The following ZC3H12B variants were observed in gnomAD, a reference collection of about 807,000 sequenced individuals.
ZC3H12B encodes zinc finger CCCH-type containing 12B.
In ZC3H12B, 7 loss-of-function variants were observed where a neutral mutation model predicts 43.9. The ratio of observed to expected loss-of-function variants is 0.16; its 90% CI spans 0.09 to 0.30. ZC3H12B has a LOEUF of 0.30. Ranked by LOEUF, ZC3H12B falls within the 10% of genes least tolerant of loss-of-function variation. The probability of loss-of-function intolerance (pLI) is 1.00; values close to 1 mark genes in which losing one functional copy is unlikely to be tolerated. For synonymous variants in ZC3H12B, 222 were observed against 241.7 expected (o/e 0.92, Z 0.76); for missense variants, 475 against 670.2 (o/e 0.71, Z 3.22).
the ZC3H12B span, among the ~76,000 whole-genome samples, chrX:65,290,807 C>T: frequency 9.0e-6 from 1 of 110,510 alleles, no homozygotes; most frequent in Non-Finnish European, 1.9e-5. Context: ...AAAATTTGAA[C>T]ACAAGGAGGT....
the ZC3H12B span, among the ~76,000 whole-genome samples, chrX:65,293,088 G>T: frequency 8.9e-6 from 1 of 111,864 alleles, no homozygotes; most frequent in South Asian, 3.7e-4. Flanking sequence ...ATTCTCAAGA[G>T]AAATTACATG....
At chrX:65,158,485 G>C in the ZC3H12B span, among the ~76,000 whole-genome samples, 57 of 112,036 alleles carry the variant, frequency 5.1e-4, 1 homozygote, top group Admixed American at 3.0e-3. Flanking sequence ...GAGATGGTAT[G>C]TCATTGTGGT....
chrX:65,464,133 C>T (rs968479367), intron 3 of ZC3H12B, among the ~76,000 whole-genome samples: 10 of 112,357 alleles, frequency 8.9e-5, no homozygotes, highest in African/African-American at 3.2e-4. Context: ...TGGACTTTTG[C>T]TCCCAATGGG....
upstream of ZC3H12B, among the ~76,000 whole-genome samples, chrX:65,366,365 G>A (rs193158241): frequency 9.0e-6 from 1 of 111,407 alleles, no homozygotes; most frequent in Non-Finnish European, 1.9e-5. Context: ...CCTTTAACTT[G>A]CTTATGAATT....
intron 2 of ZC3H12B, among the ~76,000 whole-genome samples, chrX:65,382,070 G>T (rs1333204199): frequency 1.8e-5 from 2 of 111,821 alleles, no homozygotes; most frequent in Non-Finnish European, 3.8e-5. Context: ...CCAATCAATA[G>T]AAAAAGAGGG....
At chrX:65,310,263 G>A in the ZC3H12B span, among the ~76,000 whole-genome samples, 1 of 111,789 alleles carries the variant, frequency 8.9e-6, no homozygotes, top group East Asian at 2.8e-4. Context: ...CATCGTCTCA[G>A]CCCAAAATCT....
At chrX:65,326,497 G>T in the ZC3H12B span, among the ~76,000 whole-genome samples, 1 of 110,137 alleles carries the variant, frequency 9.1e-6, no homozygotes, top group African/African-American at 3.3e-5. Flanking sequence ...GGTGACCACA[G>T]GCCAGGAATA....
At chrX:65,160,325 C>T in the ZC3H12B span, among the ~76,000 whole-genome samples, 1 of 111,791 alleles carries the variant, frequency 8.9e-6, no homozygotes, top group East Asian at 2.8e-4. Flanking sequence ...GGAATAGTTT[C>T]AGAAGGAATG....
At chrX:65,291,163 G>A in the ZC3H12B span, among the ~76,000 whole-genome samples, 1 of 111,542 alleles carries the variant, frequency 9.0e-6, no homozygotes, top group Non-Finnish European at 1.9e-5. Flanking sequence ...TGGCTAGAAT[G>A]TGGAGAAATT....
At chrX:65,422,656 G>C (rs956968733) in intron 3 of ZC3H12B, among the ~76,000 whole-genome samples, 1 of 110,697 alleles carries the variant, frequency 9.0e-6, no homozygotes, top group African/African-American at 3.3e-5. Flanking sequence ...ATCTACATGA[G>C]GTATTTCTCC....
Position 65,369,950 on chromosome X carries a change from C to A in ZC3H12B, n.295+952C>A, listed in dbSNP as rs187437267. On this transcript the variant is annotated intron_variant and non_coding_transcript_variant, in intron 2 of 5. Coordinates refer to the ZC3H12B transcript ENST00000617377. ...AATTTAGGAGTATTTAGGTACCTGG[C>A]CAGGCTTGGTGGCTGTCTGGGCATG... 1.3e-4 allele frequency among the ~76,000 whole-genome samples: 15 copies of A among 111,139 alleles called. No individual in the cohort carries two copies. The East Asian group carries it at 4.3e-3, about 32-fold the overall frequency.
At chrX:65,361,250 C>T in the ZC3H12B span, among the ~76,000 whole-genome samples, 1 of 112,010 alleles carries the variant, frequency 8.9e-6, no homozygotes, top group African/African-American at 3.2e-5. Context: ...AATTTACTTC[C>T]TGTGAAACAC....
chrX:65,246,626 T>C, the ZC3H12B span, among the ~76,000 whole-genome samples: 2 of 112,177 alleles, frequency 1.8e-5, no homozygotes, highest in Non-Finnish European at 3.8e-5. Flanking sequence ...AACTATTCAG[T>C]CTTCAATAAA....
the ZC3H12B span, among the ~76,000 whole-genome samples, chrX:65,334,535 T>A: frequency 8.9e-6 from 1 of 112,500 alleles, no homozygotes; most frequent in Non-Finnish European, 1.9e-5. Flanking sequence ...GAGCATTACA[T>A]TTTTTGCTTT....
the ZC3H12B span, among the ~76,000 whole-genome samples, chrX:65,314,958 T>C: frequency 9.0e-6 from 1 of 111,453 alleles, no homozygotes; most frequent in Admixed American, 9.5e-5. Context: ...TAAGTATGTG[T>C]ATTATAATCT....
the ZC3H12B span, among the ~76,000 whole-genome samples, chrX:65,090,366 T>C: frequency 4.5e-5 from 5 of 112,078 alleles, no homozygotes; most frequent in East Asian, 2.8e-4. Context: ...GCTAGGCCTC[T>C]TGTCTCATAT....
chrX:65,406,538 C>T lies in ZC3H12B; in HGVS notation n.407+7834C>T, dbSNP rs1440357621. Among the ~76,000 whole-genome samples, 4 of 96,741 alleles carry T rather than the reference C, an allele frequency of 4.1e-5. No individual in the cohort carries two copies. In the South Asian group the frequency reaches 1.5e-3, roughly 36 times the overall value. 84.0% of individuals were successfully genotyped at this position (96,741 alleles called of 115,157 possible). ...AATAAAAGCTATATAGGGCTGCGGG[C>T]TAGCGTCCCCCGCCCGATCGGGGCT... On this transcript the variant is annotated intron_variant and non_coding_transcript_variant, in intron 3 of 5. Coordinates refer to the ZC3H12B transcript ENST00000617377.
the ZC3H12B span, among the ~76,000 whole-genome samples, chrX:65,243,856 A>G: frequency 8.9e-6 from 1 of 111,915 alleles, no homozygotes; most frequent in Non-Finnish European, 1.9e-5. Context: ...TATATTAAAC[A>G]AAGTTAGCCA....
the ZC3H12B span, among the ~76,000 whole-genome samples, chrX:65,101,946 G>A: frequency 5.3e-5 from 6 of 112,164 alleles, no homozygotes; most frequent in East Asian, 1.4e-3. Context: ...AAAAGTTTTA[G>A]GCCAATATCC....
Sources: gnomAD v4.1 joint callset for allele counts (sites outside exome capture counted in the v4.1 genomes callset) on GRCh38, gnomAD v4.1.1 for gene constraint, MANE v1.5 for transcripts, NCBI Gene and HGNC (gene_info 2026-07-23, HGNC 2026-07-21) for gene names.